KIF13A: variants seen among roughly 807,000 people sequenced by gnomAD.
KIF13A encodes the protein kinesin family member 13A, also known as kinesin-like protein KIF13A.
KIF13A carries 79 observed loss-of-function variants against 212.2 expected under a neutral mutation model. The ratio of observed to expected loss-of-function variants is 0.37; its 90% CI spans 0.31 to 0.45. The LOEUF (loss-of-function observed/expected upper bound fraction) is 0.45, where lower values mean the gene tolerates loss of function less well. Among genes scored for constraint, KIF13A ranks in the 20% least tolerant of loss-of-function variants. KIF13A has a pLI of 1.00. For missense variants in KIF13A, 1,901 were observed against 2,209.0 expected (o/e 0.86, Z 2.79); for synonymous variants, 789 against 808.6 (o/e 0.98, Z 0.41).
At chr6:17,939,318 T>G (rs958272338) in intron 2 of KIF13A, among the ~76,000 whole-genome samples, 1 of 152,250 alleles carries the variant, frequency 6.6e-6, no homozygotes, top group Non-Finnish European at 1.5e-5. Context: ...ACAGCAGTGA[T>G]GATATACTTC....
intron 19 of KIF13A, among the ~76,000 whole-genome samples, chr6:17,804,950 A>G (rs1762817612): frequency 6.7e-6 from 1 of 149,540 alleles, no homozygotes; most frequent in Non-Finnish European, 1.5e-5. Context: ...CCTCACTTGC[A>G]GCTTTTTCAT....
Position 17,764,794 on chromosome 6 carries a change from G to A in KIF13A, c.4734C>T (p.Asn1578=). ...EWFSSKVDLS[N]SRVLEKEVSR... ...ACACTTCTTTCTCCAAGACCCGTGAGTTTGACAGATCTACTTTAGAGGAAA... is the reference window on the plus strand; with the variant it reads ...ACACTTCTTTCTCCAAGACCCGTGAATTTGACAGATCTACTTTAGAGGAAA... The change falls in exon 39 of 39, where the codon AAC becomes AAT. Residue 1578 remains asparagine (N), a synonymous_variant. Transcript: ENST00000259711. This position sits in a 1 kb window ranked among gnomAD's most constrained non-coding sequence, Gnocchi z 5.1. The A allele has an allele frequency of 1.2e-6, 2 of 1,613,396 alleles. No individual in the cohort carries two copies. Among genetic ancestry groups the A allele is most frequent in the South Asian group, 1.1e-5 (1 of 90,910 alleles).
At chr6:17,831,799 C>T (rs1386596721) in intron 12 of KIF13A, among the ~76,000 whole-genome samples, 1 of 150,002 alleles carries the variant, frequency 6.7e-6, no homozygotes, top group Non-Finnish European at 1.5e-5. Context: ...GGTTGGGTCT[C>T]TACTGCGGAA....
intron 17 of KIF13A, chr6:17,815,521 G>C (rs139072885): frequency 6.6e-4 from 213 of 320,488 alleles, no homozygotes; most frequent in African/African-American, 4.2e-3. Flanking sequence ...CTAGACCAGG[G>C]AGCCCTCTAG....
chr6:17,945,055 C>G (rs945326947), intron 2 of KIF13A, among the ~76,000 whole-genome samples: 1 of 152,178 alleles, frequency 6.6e-6, no homozygotes, highest in Non-Finnish European at 1.5e-5. Flanking sequence ...GAAGGATCAT[C>G]TGAGCTCAGC....
At position 17,872,879 on chromosome 6, in the gene KIF13A, G is replaced by T. The variant is rs1003296306; in HGVS notation, c.220+498C>A. ...TTGAACTCCTGACCTCAAGTGATCC[G>T]CCCACCTCGGCCTCCCAAAGTGCTG... On this transcript the variant is annotated intron_variant, in intron 4 of 38. Transcript: ENST00000259711. The surrounding 1 kb of genome is among the most constrained non-coding windows in gnomAD (Gnocchi z 4.7). Among the ~76,000 whole-genome samples the T allele has an allele frequency of 2.0e-5, 3 of 152,048 alleles. No homozygotes were observed. In the South Asian group the frequency reaches 6.2e-4, roughly 32 times the overall value.
intron 2 of KIF13A, among the ~76,000 whole-genome samples, chr6:17,902,712 C>T (rs1172765483): frequency 6.6e-6 from 1 of 152,198 alleles, no homozygotes; most frequent in Admixed American, 6.5e-5. Context: ...TATCCCAAGA[C>T]TCCTAGGGTC....
Position 17,777,205 on chromosome 6 carries a change from A to C in KIF13A, c.4170+72T>G. On this transcript the variant is annotated intron_variant, in intron 34 of 38. Coordinates refer to ENST00000259711, the MANE Select transcript of KIF13A (RefSeq NM_022113.6). The surrounding 1 kb of genome is among the most constrained non-coding windows in gnomAD (Gnocchi z 4.4). ...CCATAAGCTCTACTGCCACTGTGTG[A>C]ATCCCACCTTCCCCCACCCCAGAGG... 1 of 1,218,746 alleles carries C rather than the reference A, an allele frequency of 8.2e-7. No individual in the cohort carries two copies. The allele number at this position is 1,218,746 out of a possible 1,614,324, so 75.5% of individuals were successfully genotyped here.
At position 17,785,696 on chromosome 6, in the gene KIF13A, A is replaced by T. The variant is rs995702928; in HGVS notation, c.3362-55T>A. 45 of 1,559,784 alleles carry T rather than the reference A, an allele frequency of 2.9e-5. No homozygotes were observed. The African/African-American group carries it at 5.8e-4, about 20-fold the overall frequency. On this transcript the variant is annotated intron_variant, in intron 27 of 38. Transcript: ENST00000259711. The surrounding 1 kb of genome is among the most constrained non-coding windows in gnomAD (Gnocchi z 5.8). ...AACAAGAGAGAAAGTATGACTTCTC[A>T]GTTTACAAGGAATAGATTTCAGCCT...
intron 4 of KIF13A, among the ~76,000 whole-genome samples, chr6:17,860,972 T>C (rs1768713816): frequency 6.6e-6 from 1 of 152,136 alleles, no homozygotes; most frequent in African/African-American, 2.4e-5. Flanking sequence ...CTCCTGGACA[T>C]TACAACAAAA....
chr6:17,966,767 ATTC>A (rs1352886211), intron 2 of KIF13A, among the ~76,000 whole-genome samples: 3 of 152,184 alleles, frequency 2.0e-5, no homozygotes, highest in Non-Finnish European at 2.9e-5. Flanking sequence ...CTGTCTTATG[ATTC>A]TTATTATTGC....
chr6:17,937,204 T>C (rs1461739485), intron 2 of KIF13A, among the ~76,000 whole-genome samples: 1 of 152,136 alleles, frequency 6.6e-6, no homozygotes, highest in African/African-American at 2.4e-5. Context: ...CATACATAAA[T>C]GGAAAGGAAG....
At chr6:17,804,258 C>G (rs947794920) in intron 20 of KIF13A, 103 bp downstream of exon 20, 1 of 1,076,336 alleles carries the variant, frequency 9.3e-7, no homozygotes, top group African/African-American at 1.6e-5. Flanking sequence ...GCCTTAGTTT[C>G]TTGATCCACC....
chr6:17,945,745 T>A (rs1777332171), intron 2 of KIF13A, among the ~76,000 whole-genome samples: 1 of 152,186 alleles, frequency 6.6e-6, no homozygotes. Context: ...TCTATAAGAA[T>A]GACCAAGCCA....
chr6:17,803,841 G>A (rs1352419512), intron 20 of KIF13A, among the ~76,000 whole-genome samples: 6 of 152,070 alleles, frequency 3.9e-5, no homozygotes, highest in Admixed American at 3.3e-4. Flanking sequence ...AATATTAAAT[G>A]TTATAATAAT....
intron 2 of KIF13A, among the ~76,000 whole-genome samples, chr6:17,937,746 G>GT (rs11401933): frequency 0.59 from 80,149 of 135,462 alleles, 22,492 homozygotes; most frequent in Non-Finnish European, 0.65. Context: ...TTCCTTTTTT[G>GT]TTTTTTTTTT....
chr6:17,876,139 C>T (rs1210795258), intron 3 of KIF13A, among the ~76,000 whole-genome samples: 1 of 152,156 alleles, frequency 6.6e-6, no homozygotes, highest in African/African-American at 2.4e-5. Flanking sequence ...CCAGGTGACT[C>T]AGCAGCTACC....
chr6:17,813,545 C>G (rs1244641895), intron 17 of KIF13A, among the ~76,000 whole-genome samples: 1 of 152,182 alleles, frequency 6.6e-6, no homozygotes, highest in Admixed American at 6.5e-5. Context: ...AGTATCCAGA[C>G]AGATGAGCAG....
intron 3 of KIF13A, among the ~76,000 whole-genome samples, chr6:17,878,528 G>A (rs1053805069): frequency 6.7e-6 from 1 of 150,242 alleles, no homozygotes; most frequent in African/African-American, 2.5e-5. Flanking sequence ...CGATCCTCCT[G>A]TCTTGGCTTC....
Sources: gnomAD v4.1 joint callset for allele counts (sites outside exome capture counted in the v4.1 genomes callset) on GRCh38, gnomAD v4.1.1 for gene constraint, Gnocchi (gnomAD v3.1) non-coding constraint, MANE v1.5 for transcripts, NCBI Gene and HGNC (gene_info 2026-07-23, HGNC 2026-07-21) for gene names.